The following LIPH variants were observed in gnomAD, a reference collection of about 807,000 sequenced individuals.
LIPH encodes lipase member H.
A neutral mutation model predicts 47.6 loss-of-function variants in LIPH; 32 were observed. The observed-to-expected ratio is 0.67, with a 90% confidence interval of 0.51 to 0.90. LIPH has a LOEUF of 0.90. LIPH is among the 40% of genes least tolerant of loss of function. The probability of loss-of-function intolerance (pLI) is 0.00; values close to 1 mark genes in which losing one functional copy is unlikely to be tolerated. For synonymous variants in LIPH, 190 were observed against 195.6 expected (o/e 0.97, Z 0.24); for missense variants, 497 against 541.4 (o/e 0.92, Z 0.81).
chr3:185,546,740 G>A (rs1232105243), intron 1 of LIPH: 1 of 294,698 alleles, frequency 3.4e-6, no homozygotes, highest in African/African-American at 2.3e-5. Flanking sequence ...CAAGGCTGCA[G>A]TGAGCTGTGA....
chr3:185,537,041 T>A (rs1057456724), intron 1 of LIPH, among the ~76,000 whole-genome samples: 2 of 152,152 alleles, frequency 1.3e-5, no homozygotes, highest in East Asian at 3.9e-4. Flanking sequence ...CCCGCCACCA[T>A]GCCCAGCTAA....
At chr3:185,539,582 G>A (rs1013830627) in intron 1 of LIPH, among the ~76,000 whole-genome samples, 1 of 151,170 alleles carries the variant, frequency 6.6e-6, no homozygotes, top group African/African-American at 2.4e-5. Context: ...TGTTGGCCAG[G>A]CTGGTCTCGA....
At chr3:185,518,275 T>C (rs1719792635) in intron 6 of LIPH, among the ~76,000 whole-genome samples, 1 of 152,090 alleles carries the variant, frequency 6.6e-6, no homozygotes, top group African/African-American at 2.4e-5. Flanking sequence ...TTTTCTTTCT[T>C]TTGTTTGTTT....
chr3:185,516,959 G>A (rs1719745887), intron 7 of LIPH, 108 bp downstream of exon 7: 2 of 801,332 alleles, frequency 2.5e-6, no homozygotes, highest in Non-Finnish European at 4.5e-6. Flanking sequence ...CTCCAAAGTT[G>A]ATGCTTCATC....
chr3:185,533,205 G>T (rs910313820), intron 3 of LIPH, among the ~76,000 whole-genome samples: 2 of 152,136 alleles, frequency 1.3e-5, no homozygotes, highest in Non-Finnish European at 1.5e-5. Context: ...TGTGCCTGGG[G>T]ACTGAAGCGT....
At chr3:185,546,381 C>G (rs982394814) in intron 1 of LIPH, among the ~76,000 whole-genome samples, 8 of 146,978 alleles carry the variant, frequency 5.4e-5, no homozygotes, top group Non-Finnish European at 9.0e-5. Flanking sequence ...AATTCTAAAG[C>G]TGGGCATGGT....
chr3:185,525,308 A>C (rs1267916455), intron 4 of LIPH, among the ~76,000 whole-genome samples: 1 of 152,142 alleles, frequency 6.6e-6, no homozygotes, highest in East Asian at 1.9e-4. Flanking sequence ...TGCTTGATTT[A>C]ATATAAATTA....
chr3:185,527,640 G>C lies in LIPH; in HGVS notation c.527-55C>G. 8 of 1,165,332 alleles carry C rather than the reference G, an allele frequency of 6.9e-6. No individual in the cohort carries two copies. In the South Asian group the frequency reaches 8.7e-5, roughly 13 times the overall value. The allele number at this position is 1,165,332 out of a possible 1,614,324, so 72.2% of individuals were successfully genotyped here. On this transcript the variant is annotated intron_variant, in intron 3 of 9. Coordinates refer to ENST00000296252, the MANE Select transcript of LIPH (RefSeq NM_139248.3). ...CCCACACCATGAGTCACCTGCAGCC[G>C]GGCCTTTGATCCTTCTGGATGAGGG...
chr3:185,537,683 T>C (rs1720545924), intron 1 of LIPH, among the ~76,000 whole-genome samples: 1 of 152,064 alleles, frequency 6.6e-6, no homozygotes, highest in African/African-American at 2.4e-5. Flanking sequence ...CCTGGGGAAA[T>C]TATGTCATCT....
At chr3:185,534,354 C>CAA (rs1213602530) in intron 2 of LIPH, among the ~76,000 whole-genome samples, 5 of 125,806 alleles carry the variant, frequency 4.0e-5, no homozygotes, top group East Asian at 2.2e-4. Context: ...GATTCCGTCT[C>CAA]AAAAAAAAAA....
rs749665446 is a variant in LIPH at position 185,552,428 on chromosome 3, C to A, written c.44G>T (p.Arg15Ile). ...CCAGTTTGTAAATAACCTACCTGATCTTGACAAGCACAACAAACTGATGAA... is the reference window on the plus strand; with the variant it reads ...CCAGTTTGTAAATAACCTACCTGATATTGACAAGCACAACAAACTGATGAA... ...YLFISLLCLSRSDAEETCPSF... is the reference protein window; with the variant it reads ...YLFISLLCLSISDAEETCPSF... The change falls in exon 1 of 10, where the codon AGA becomes ATA. Residue 15 changes from arginine to isoleucine, a missense_variant. Transcript: ENST00000296252. The A allele has an allele frequency of 1.2e-6, 2 of 1,605,498 alleles. No homozygotes were observed. The highest frequency in any genetic ancestry group is 1.1e-5 in the South Asian group (1 of 90,904).
intron 1 of LIPH, among the ~76,000 whole-genome samples, chr3:185,538,760 T>C (rs369681251): frequency 3.1e-3 from 25 of 8,082 alleles, no homozygotes; most frequent in Admixed American, 6.9e-3. Context: ...TATATATACA[T>C]ATATATGTAC....
At chr3:185,526,555 A>G (rs1250854861) in intron 4 of LIPH, among the ~76,000 whole-genome samples, 1 of 140,830 alleles carries the variant, frequency 7.1e-6, no homozygotes, top group Non-Finnish European at 1.5e-5. Context: ...AAAATAAGAT[A>G]AGATAAGATA....
Position 185,514,407 on chromosome 3 carries a change from T to TA in LIPH, c.1094+2dup, listed in dbSNP as rs1719662046. 7.5e-7 allele frequency: 1 copy of TA among 1,333,210 alleles called. No individual in the cohort carries two copies. Among genetic ancestry groups the TA allele is most frequent in the Admixed American group, 1.7e-5 (1 of 59,654 alleles). 82.6% of individuals were successfully genotyped at this position (1,333,210 alleles called of 1,614,324 possible). A position where few individuals can be genotyped will look rare whatever the true frequency, so the allele number is the denominator to read the frequency against. ...CACTGCAAACAATTGTAACTCAACT[T>TA]ACTGATTGATTTTGGATTCTGTGGT... On this transcript the variant is annotated splice_region_variant and intron_variant, in intron 8 of 9. Coordinates refer to ENST00000296252, the MANE Select transcript of LIPH (RefSeq NM_139248.3).
intron 5 of LIPH, among the ~76,000 whole-genome samples, chr3:185,519,836 C>CAA (rs145391972): frequency 2.4e-4 from 13 of 53,830 alleles, no homozygotes; most frequent in African/African-American, 1.1e-3. Context: ...CACTCCATCT[C>CAA]AAAAAAAAAA....
chr3:185,542,975 A>G (rs1287425760), intron 1 of LIPH, among the ~76,000 whole-genome samples: 1 of 152,130 alleles, frequency 6.6e-6, no homozygotes, highest in African/African-American at 2.4e-5. Context: ...TGGGAGGCCA[A>G]GGCAGGCAGA....
intron 7 of LIPH, among the ~76,000 whole-genome samples, chr3:185,514,976 T>A (rs182161476): frequency 5.3e-5 from 8 of 152,274 alleles, no homozygotes; most frequent in South Asian, 2.1e-4. Context: ...CTCCCTGCAC[T>A]GTGAAGGCTC....
In LIPH at chr3:185,522,417, G is replaced by A. The variant is rs144156339; in HGVS notation, c.718+1654C>T. On this transcript the variant is annotated intron_variant, in intron 5 of 9. Transcript: ENST00000296252. ...CTAACACTTTGGGAGGCCAAGGCAG[G>A]AGGATCGCAAAGAAAGAAGAGAAAG... 6.6e-5 allele frequency among the ~76,000 whole-genome samples: 10 copies of A among 151,862 alleles called. No homozygotes were observed. In the East Asian group the frequency reaches 1.5e-3, roughly 23 times the overall value.
rs139271993 is a variant in LIPH at position 185,539,146 on chromosome 3, T to C, written c.50-4014A>G. Among the ~76,000 whole-genome samples the C allele has an allele frequency of 8.1e-3, 1,236 of 151,834 alleles. 17 individuals are homozygous for C. Among genetic ancestry groups the C allele is most frequent in the African/African-American group, 0.028 (1,163 of 41,420 alleles). On this transcript the variant is annotated intron_variant, in intron 1 of 9. Transcript: ENST00000296252. ...ATCATGCCCAGCTAATTTTTGTATT[T>C]TTAGTAGAGACGGGGTTTCACCATG...
Sources: gnomAD v4.1 joint callset for allele counts (sites outside exome capture counted in the v4.1 genomes callset) on GRCh38, gnomAD v4.1.1 for gene constraint, MANE v1.5 for transcripts, NCBI Gene and HGNC (gene_info 2026-07-23, HGNC 2026-07-21) for gene names.